RORA: variants seen among roughly 807,000 people sequenced by gnomAD.
RORA encodes nuclear receptor ROR-alpha.
A neutral mutation model predicts 69.5 loss-of-function variants in RORA; 7 were observed. That is an observed-to-expected ratio of 0.10 (90% confidence interval 0.06 to 0.19). RORA has a LOEUF of 0.19. Among genes scored for constraint, RORA ranks in the 10% least tolerant of loss-of-function variants. The pLI is 1.00. For missense variants in RORA, 457 were observed against 663.0 expected (o/e 0.69, Z 3.41); for synonymous variants, 261 against 240.8 (o/e 1.08, Z -0.78).
At chr15:60,499,776 T>A in intron 10 of RORA, 116 bp downstream of exon 10, 1 of 608,750 alleles carries the variant, frequency 1.6e-6, no homozygotes, top group Non-Finnish European at 2.9e-6. Context: ...TTTAGTAGCC[T>A]GTTGCCTTCT....
At chr15:60,998,984 G>C (rs1196907988) in intron 1 of RORA, among the ~76,000 whole-genome samples, 1 of 152,210 alleles carries the variant, frequency 6.6e-6, no homozygotes, top group East Asian at 1.9e-4. Flanking sequence ...AGCTAAACTG[G>C]AGTGGTTGCC....
chr15:60,839,611 T>A (rs913369866), intron 1 of RORA, among the ~76,000 whole-genome samples: 7 of 152,134 alleles, frequency 4.6e-5, no homozygotes, highest in African/African-American at 1.7e-4. Flanking sequence ...ATCTGTACAG[T>A]GCACGTGGCA....
At chr15:61,138,178 C>T (rs1379483872) in intron 1 of RORA, among the ~76,000 whole-genome samples, 1 of 151,978 alleles carries the variant, frequency 6.6e-6, no homozygotes, top group Non-Finnish European at 1.5e-5. Context: ...TCTTGGTAAT[C>T]CAAGAAAGTG....
At chr15:60,802,861 G>A (rs1167768788) in intron 1 of RORA, among the ~76,000 whole-genome samples, 2 of 152,116 alleles carry the variant, frequency 1.3e-5, no homozygotes, top group African/African-American at 2.4e-5. Flanking sequence ...CAGTTTCCTG[G>A]AGGTTTCATT....
intron 1 of RORA, among the ~76,000 whole-genome samples, chr15:61,023,908 A>C (rs879613969): frequency 6.6e-6 from 1 of 152,194 alleles, no homozygotes; most frequent in Admixed American, 6.5e-5. Flanking sequence ...ATTTGTATAC[A>C]CTGATATATA....
At chr15:61,022,971 G>A (rs970738652) in intron 1 of RORA, among the ~76,000 whole-genome samples, 1 of 151,912 alleles carries the variant, frequency 6.6e-6, no homozygotes, top group Non-Finnish European at 1.5e-5. Flanking sequence ...GATCACTTGC[G>A]GTCAAGAGTT....
intron 1 of RORA, among the ~76,000 whole-genome samples, chr15:60,943,182 A>G (rs556130876): frequency 1.3e-5 from 2 of 152,208 alleles, no homozygotes; most frequent in Non-Finnish European, 2.9e-5. Context: ...GTTTAGAAAG[A>G]AAGGTGACTT....
At chr15:60,505,906 G>C (rs949333215) in intron 5 of RORA, among the ~76,000 whole-genome samples, 4 of 152,054 alleles carry the variant, frequency 2.6e-5, no homozygotes, top group African/African-American at 9.7e-5. Flanking sequence ...CCAATGTCTA[G>C]GAATGAAAAA....
chr15:60,593,775 T>C (rs147000099), intron 2 of RORA, among the ~76,000 whole-genome samples: 51 of 152,336 alleles, frequency 3.3e-4, no homozygotes, highest in African/African-American at 1.2e-3. Flanking sequence ...AAATATCAGA[T>C]GGCTATTAGC....
chr15:60,634,450 G>T (rs2069799585), intron 2 of RORA, among the ~76,000 whole-genome samples: 1 of 151,116 alleles, frequency 6.6e-6, no homozygotes, highest in Non-Finnish European at 1.5e-5. Flanking sequence ...CTGTTGCCAG[G>T]CTGGAGCACT....
chr15:61,150,866 T>C (rs2079391380), intron 1 of RORA, among the ~76,000 whole-genome samples: 1 of 152,230 alleles, frequency 6.6e-6, no homozygotes, highest in African/African-American at 2.4e-5. Context: ...TTTGTAATCA[T>C]TACATTGTGT....
intron 2 of RORA, among the ~76,000 whole-genome samples, chr15:60,626,819 T>G (rs1408943129): frequency 6.6e-6 from 1 of 152,190 alleles, no homozygotes; most frequent in African/African-American, 2.4e-5. Context: ...AGTAACTGAC[T>G]CACTCACTCA....
At chr15:61,185,078 G>A (rs1392127282) in intron 1 of RORA, among the ~76,000 whole-genome samples, 1 of 151,708 alleles carries the variant, frequency 6.6e-6, no homozygotes, top group Non-Finnish European at 1.5e-5. Flanking sequence ...TATCAAGGTG[G>A]CAGACACATG....
At chr15:60,951,695 A>G (rs900296502) in intron 1 of RORA, among the ~76,000 whole-genome samples, 9 of 152,226 alleles carry the variant, frequency 5.9e-5, no homozygotes, top group Admixed American at 5.9e-4. Flanking sequence ...TCTAGAAGAA[A>G]TGGATAAATT....
intron 1 of RORA, among the ~76,000 whole-genome samples, chr15:60,831,404 A>T (rs574043403): frequency 2.0e-5 from 3 of 152,018 alleles, no homozygotes; most frequent in Non-Finnish European, 4.4e-5. Flanking sequence ...TTGAGAGTGG[A>T]TACTACCTCC....
At chr15:60,794,293 C>T (rs1378325513) in intron 1 of RORA, among the ~76,000 whole-genome samples, 6 of 152,322 alleles carry the variant, frequency 3.9e-5, no homozygotes, top group South Asian at 2.1e-4. Context: ...GCTGTTTCAC[C>T]GCGTTCTTGA....
chr15:60,841,573 C>G (rs2073198982), intron 1 of RORA, among the ~76,000 whole-genome samples: 1 of 152,210 alleles, frequency 6.6e-6, no homozygotes, highest in Non-Finnish European at 1.5e-5. Flanking sequence ...AGTAAAAATG[C>G]TATTGAGAAA....
chr15:60,793,985 C>A (rs1448289950), intron 1 of RORA, among the ~76,000 whole-genome samples: 1 of 152,154 alleles, frequency 6.6e-6, no homozygotes, highest in Non-Finnish European at 1.5e-5. Context: ...TCTTTGAGGA[C>A]CTGGGTCCCA....
At chr15:60,874,357 A>G (rs1319426561) in intron 1 of RORA, among the ~76,000 whole-genome samples, 1 of 152,220 alleles carries the variant, frequency 6.6e-6, no homozygotes, top group Non-Finnish European at 1.5e-5. Context: ...TGCTGGGAAT[A>G]CAGCAGTAAA....
Sources: allele counts gnomAD v4.1 joint callset (sites outside exome capture counted in the v4.1 genomes callset), GRCh38; gene constraint gnomAD v4.1.1; transcripts MANE v1.5; gene names NCBI Gene and HGNC (gene_info 2026-07-23, HGNC 2026-07-21).